NDFIP2: variants seen among roughly 807,000 people sequenced by gnomAD.
The protein encoded by NDFIP2 is Nedd4 family interacting protein 2.
In NDFIP2, 19 loss-of-function variants were observed where a neutral mutation model predicts 36.0. That is an observed-to-expected ratio of 0.53 (90% confidence interval 0.37 to 0.77). The LOEUF (loss-of-function observed/expected upper bound fraction) is 0.77. Among genes scored for constraint, NDFIP2 ranks in the 30% least tolerant of loss-of-function variants. NDFIP2 has a pLI of 0.00. For missense variants in NDFIP2, 446 were observed against 435.8 expected (o/e 1.02, Z -0.21); for synonymous variants, 181 against 167.7 (o/e 1.08, Z -0.61).
intron 1 of NDFIP2, among the ~76,000 whole-genome samples, chr13:79,493,372 C>G (rs1006562183): frequency 2.6e-5 from 4 of 152,080 alleles, no homozygotes; most frequent in African/African-American, 9.7e-5. Context: ...AGGGTATATC[C>G]TTTGCTTTTA....
intron 7 of NDFIP2, among the ~76,000 whole-genome samples, chr13:79,551,382 T>G (rs548706677): frequency 1.3e-5 from 2 of 151,618 alleles, no homozygotes; most frequent in South Asian, 4.1e-4. Flanking sequence ...AATCAGACTT[T>G]TAAAACTTCT....
chr13:79,505,128 C>T (rs1166589654), intron 1 of NDFIP2, among the ~76,000 whole-genome samples: 1 of 152,186 alleles, frequency 6.6e-6, no homozygotes. Context: ...CATGGGGCAT[C>T]AGTGGGAGAA....
At chr13:79,515,155 G>C (rs1042673963) in intron 1 of NDFIP2, among the ~76,000 whole-genome samples, 1 of 151,908 alleles carries the variant, frequency 6.6e-6, no homozygotes, top group African/African-American at 2.4e-5. Context: ...ACTGAATACT[G>C]TTGTAACACA....
chr13:79,504,045 G>T (rs567723152), intron 1 of NDFIP2, among the ~76,000 whole-genome samples: 1 of 152,226 alleles, frequency 6.6e-6, no homozygotes, highest in Admixed American at 6.5e-5. Flanking sequence ...AATGTGGAGA[G>T]ATCATTTTAT....
At chr13:79,507,145 G>A (rs962502602) in intron 1 of NDFIP2, among the ~76,000 whole-genome samples, 2 of 151,706 alleles carry the variant, frequency 1.3e-5, no homozygotes, top group African/African-American at 4.8e-5. Context: ...TTTGCTTTCT[G>A]TTTACCAGAA....
intron 1 of NDFIP2, among the ~76,000 whole-genome samples, chr13:79,487,303 T>C (rs981419606): frequency 2.6e-5 from 4 of 152,224 alleles, no homozygotes; most frequent in Non-Finnish European, 1.5e-5. Flanking sequence ...CTTCTTTCAT[T>C]CAGCATGAAG....
intron 1 of NDFIP2, among the ~76,000 whole-genome samples, chr13:79,498,558 TCATTATTA>T (rs1169954353): frequency 6.6e-6 from 1 of 151,990 alleles, no homozygotes; most frequent in African/African-American, 2.4e-5. Context: ...GCTGGGAAGT[TCATTATTA>T]AAGGTGCTGC....
intron 1 of NDFIP2, among the ~76,000 whole-genome samples, chr13:79,514,467 T>C (rs1462876848): frequency 6.6e-6 from 1 of 152,106 alleles, no homozygotes; most frequent in Non-Finnish European, 1.5e-5. Context: ...AAATGAGTGA[T>C]TATATAAATA....
chr13:79,525,799 A>C (rs1425557270), intron 2 of NDFIP2, among the ~76,000 whole-genome samples: 1 of 152,192 alleles, frequency 6.6e-6, no homozygotes, highest in Non-Finnish European at 1.5e-5. Context: ...ATTGCAGTCG[A>C]CCTTGGGGTC....
intron 3 of NDFIP2, among the ~76,000 whole-genome samples, chr13:79,536,959 T>C (rs909878850): frequency 6.6e-6 from 1 of 151,960 alleles, no homozygotes; most frequent in Non-Finnish European, 1.5e-5. Context: ...GCCCAGGAGA[T>C]TGAGGCTGTA....
chr13:79,494,214 C>G (rs1271229849), intron 1 of NDFIP2, among the ~76,000 whole-genome samples: 1 of 152,004 alleles, frequency 6.6e-6, no homozygotes, highest in African/African-American at 2.4e-5. Flanking sequence ...CTTGGGCCAA[C>G]TATTCTATGT....
At chr13:79,504,865 A>G (rs756864327) in intron 1 of NDFIP2, among the ~76,000 whole-genome samples, 14 of 152,046 alleles carry the variant, frequency 9.2e-5, no homozygotes, top group Admixed American at 5.2e-4. Flanking sequence ...CTCCCCATCT[A>G]TTCATTTATA....
Position 79,486,741 on chromosome 13 carries a change from T to C in NDFIP2, c.321+5217T>C, listed in dbSNP as rs139529966. Among the ~76,000 whole-genome samples, 329 of 152,328 alleles carry C rather than the reference T, an allele frequency of 2.2e-3. 2 individuals carry two copies. Among genetic ancestry groups the C allele is most frequent in the African/African-American group, 7.9e-3 (327 of 41,588 alleles). On this transcript the variant is annotated intron_variant, in intron 1 of 7. Coordinates refer to ENST00000218652, the MANE Select transcript of NDFIP2 (RefSeq NM_019080.3). Reference sequence around the variant, plus strand: ...ACGGTGGTAGGGTTGAGGACATTCATGTACTGCATAATGTCTTTTCATTCA... The same window carrying C: ...ACGGTGGTAGGGTTGAGGACATTCACGTACTGCATAATGTCTTTTCATTCA...
intron 1 of NDFIP2, among the ~76,000 whole-genome samples, chr13:79,492,361 T>G (rs1307066219): frequency 1.3e-5 from 2 of 152,038 alleles, no homozygotes; most frequent in Non-Finnish European, 1.5e-5. Flanking sequence ...GATGACTTTT[T>G]GTGTGATTTC....
intron 2 of NDFIP2, among the ~76,000 whole-genome samples, chr13:79,522,765 A>G (rs553164433): frequency 2.6e-5 from 4 of 152,362 alleles, no homozygotes; most frequent in African/African-American, 9.6e-5. Context: ...CTGGGTTCCA[A>G]GAACAAGCAT....
chr13:79,513,094 C>T (rs1397664501), intron 1 of NDFIP2, among the ~76,000 whole-genome samples: 4 of 152,192 alleles, frequency 2.6e-5, no homozygotes. Flanking sequence ...TTATCACCTA[C>T]CTTTGACCCA....
chr13:79,514,919 G>A (rs1196437029), intron 1 of NDFIP2, among the ~76,000 whole-genome samples: 3 of 152,154 alleles, frequency 2.0e-5, no homozygotes, highest in Non-Finnish European at 4.4e-5. Context: ...TAGCAGTTGA[G>A]CATCTGGATT....
intron 1 of NDFIP2, among the ~76,000 whole-genome samples, chr13:79,489,694 T>C (rs1873151983): frequency 6.6e-6 from 1 of 152,150 alleles, no homozygotes; most frequent in Non-Finnish European, 1.5e-5. Flanking sequence ...GTATTGTAAA[T>C]GTGTTAATAA....
At chr13:79,512,230 T>C (rs1201226105) in intron 1 of NDFIP2, among the ~76,000 whole-genome samples, 7 of 152,184 alleles carry the variant, frequency 4.6e-5, no homozygotes. Context: ...TCAATGCCTT[T>C]GTTGGATAGA....
Sources: gnomAD v4.1 joint callset for allele counts (sites outside exome capture counted in the v4.1 genomes callset) on GRCh38, gnomAD v4.1.1 for gene constraint, MANE v1.5 for transcripts, NCBI Gene and HGNC (gene_info 2026-07-23, HGNC 2026-07-21) for gene names.